The following SMOC1 variants were observed in gnomAD, a reference collection of about 807,000 sequenced individuals.
SMOC1 encodes the protein SPARC related modular calcium binding 1.
SMOC1 carries 22 observed loss-of-function variants against 56.3 expected under a neutral mutation model. That is an observed-to-expected ratio of 0.39 (90% CI 0.28 to 0.56). SMOC1 has a LOEUF of 0.56. SMOC1 is among the 20% of genes least tolerant of loss of function. The probability of loss-of-function intolerance (pLI) is 0.61; values close to 1 mark genes in which losing one functional copy is unlikely to be tolerated. For missense variants in SMOC1, 509 were observed against 565.4 expected (o/e 0.90, Z 1.01); for synonymous variants, 193 against 215.0 (o/e 0.90, Z 0.89).
intron 10 of SMOC1, among the ~76,000 whole-genome samples, chr14:70,014,037 A>G (rs1274772710): frequency 6.6e-6 from 1 of 152,188 alleles, no homozygotes; most frequent in Non-Finnish European, 1.5e-5. Flanking sequence ...TGAAATGCAC[A>G]TGCTCCCCAG....
chr14:69,967,363 GA>G lies in SMOC1; in HGVS notation c.379-8351del, dbSNP rs1362646255. Among the ~76,000 whole-genome samples, 3 of 152,260 alleles carry G rather than the reference GA, an allele frequency of 2.0e-5. 1 individual carries two copies. The highest frequency in any genetic ancestry group is 7.2e-5 in the African/African-American group (3 of 41,468). On this transcript the variant is annotated intron_variant, in intron 3 of 11. Transcript: ENST00000361956. ...AGCAGTGCTTTCAGGCTATGGCCTA[GA>G]TTAAGCTTGCCCATCCCATGGCCCG...
At chr14:69,971,352 C>T (rs1883756869) in intron 3 of SMOC1, among the ~76,000 whole-genome samples, 2 of 152,188 alleles carry the variant, frequency 1.3e-5, no homozygotes, top group Non-Finnish European at 2.9e-5. Flanking sequence ...AGTACAGTTG[C>T]AATATAAGCA....
intron 1 of SMOC1, among the ~76,000 whole-genome samples, chr14:69,923,355 C>T (rs1238360558): frequency 6.6e-6 from 1 of 152,176 alleles, no homozygotes; most frequent in African/African-American, 2.4e-5. Flanking sequence ...ATTATTTCTA[C>T]GTAAATGTGA....
chr14:69,922,734 C>CTTATGGGGA, intron 1 of SMOC1, among the ~76,000 whole-genome samples: 1 of 151,898 alleles, frequency 6.6e-6, no homozygotes, highest in South Asian at 2.1e-4. Context: ...GGGACAGAGC[C>CTTATGGGGA]CTAGTGTTGG....
Position 70,030,338 on chromosome 14 carries a change from A to G in SMOC1, c.*80A>G, listed in dbSNP as rs7152085. On this transcript the variant is annotated 3_prime_UTR_variant, in exon 12 of 12. Transcript: ENST00000361956. ...AGACACCTAACCTTCAGCGTTGCCC[A>G]TGGCCCTGCCACATCCCGTGTAACA... The G allele has an allele frequency of 0.013, 20,480 of 1,567,482 alleles. 642 individuals are homozygous for G. Among genetic ancestry groups the G allele is most frequent in the South Asian group, 0.082 (7,148 of 87,138 alleles).
chr14:69,887,031 C>G (rs78671084), intron 1 of SMOC1, among the ~76,000 whole-genome samples: 5 of 152,192 alleles, frequency 3.3e-5, no homozygotes, highest in Admixed American at 6.5e-5. Flanking sequence ...AACTCATGTC[C>G]TGTGCAACTA....
chr14:70,023,569 G>A, intron 11 of SMOC1, 122 bp downstream of exon 11: 1 of 1,398,994 alleles, frequency 7.1e-7, no homozygotes, highest in South Asian at 1.2e-5. Flanking sequence ...TTTGCTGGAA[G>A]TGTGCTATGC....
At chr14:69,902,867 G>T (rs536967935) in intron 1 of SMOC1, among the ~76,000 whole-genome samples, 1 of 152,356 alleles carries the variant, frequency 6.6e-6, no homozygotes, top group African/African-American at 2.4e-5. Flanking sequence ...TGATCTGCCA[G>T]CCTCGGCCTC....
intron 1 of SMOC1, among the ~76,000 whole-genome samples, chr14:69,898,465 T>G (rs1386365481): frequency 2.1e-5 from 3 of 143,440 alleles, no homozygotes; most frequent in African/African-American, 7.7e-5. Context: ...TTCAATTCTG[T>G]TTTTTTTTTC....
At chr14:69,955,333 G>A (rs1057013036) in intron 3 of SMOC1, among the ~76,000 whole-genome samples, 4 of 152,070 alleles carry the variant, frequency 2.6e-5, no homozygotes, top group African/African-American at 9.7e-5. Flanking sequence ...ACCTGGGCAC[G>A]AAGCTCAGCC....
chr14:69,955,288 G>C (rs745379035), intron 3 of SMOC1, among the ~76,000 whole-genome samples: 1 of 152,090 alleles, frequency 6.6e-6, no homozygotes, highest in South Asian at 2.1e-4. Context: ...AGGCAGTCTG[G>C]TGGTCTGGTT....
chr14:69,967,389 G>T lies in SMOC1; in HGVS notation c.379-8326G>T, dbSNP rs187721696. ...ATTAAGCTTGCCCATCCCATGGCCC[G>T]CAGGCCACATGCTGCCCAGGATCGC... On this transcript the variant is annotated intron_variant, in intron 3 of 11. Coordinates refer to ENST00000361956, the MANE Select transcript of SMOC1 (RefSeq NM_001034852.3). 2.6e-5 allele frequency among the ~76,000 whole-genome samples: 4 copies of T among 152,340 alleles called. No individual in the cohort carries two copies. The East Asian group carries it at 7.7e-4, about 29-fold the overall frequency.
intron 10 of SMOC1, among the ~76,000 whole-genome samples, chr14:70,015,355 A>G (rs1052426577): frequency 6.6e-6 from 1 of 152,050 alleles, no homozygotes; most frequent in African/African-American, 2.4e-5. Context: ...TCTGCTGTCC[A>G]ACATTGTCCT....
intron 1 of SMOC1, among the ~76,000 whole-genome samples, chr14:69,942,809 G>A (rs188439547): frequency 2.3e-4 from 35 of 152,334 alleles, no homozygotes; most frequent in Admixed American, 1.0e-3. Context: ...TGGGGCTGCA[G>A]ACAGACTCTG....
intron 5 of SMOC1, among the ~76,000 whole-genome samples, chr14:69,990,611 C>G (rs1417809737): frequency 6.6e-6 from 1 of 152,144 alleles, no homozygotes; most frequent in African/African-American, 2.4e-5. Context: ...TTAATAGAGT[C>G]AGGGGAAGTG....
rs1211820190 is a variant in SMOC1 at position 70,030,268 on chromosome 14, A to G, written c.*10A>G. On this transcript the variant is annotated 3_prime_UTR_variant, in exon 12 of 12. Coordinates refer to ENST00000361956, the MANE Select transcript of SMOC1 (RefSeq NM_001034852.3). ...AGGACGCCTCGTCTAAGGAGCAGAAAACCCAAGGGCAGGTGGAGAGTCCAG... is the reference window on the plus strand; with the variant it reads ...AGGACGCCTCGTCTAAGGAGCAGAAGACCCAAGGGCAGGTGGAGAGTCCAG... 6 of 1,613,676 alleles carry G rather than the reference A, an allele frequency of 3.7e-6. No individual in the cohort carries two copies. Among genetic ancestry groups the G allele is most frequent in the East Asian group, 2.2e-5 (1 of 44,862 alleles).
At chr14:69,925,965 C>A (rs1020457703) in intron 1 of SMOC1, among the ~76,000 whole-genome samples, 1 of 152,156 alleles carries the variant, frequency 6.6e-6, no homozygotes, top group Non-Finnish European at 1.5e-5. Context: ...TCCTGCCCCC[C>A]ACTCTCCCGC....
At chr14:70,003,621 C>A (rs1195864690) in intron 7 of SMOC1, among the ~76,000 whole-genome samples, 3 of 152,132 alleles carry the variant, frequency 2.0e-5, no homozygotes, top group Non-Finnish European at 4.4e-5. Context: ...CTCCTATGGC[C>A]ACCAGAGACG....
intron 1 of SMOC1, among the ~76,000 whole-genome samples, chr14:69,902,263 T>C (rs1450745711): frequency 6.6e-6 from 1 of 152,206 alleles, no homozygotes; most frequent in East Asian, 1.9e-4. Context: ...AAAAGAAAGC[T>C]GAGAGAGGAA....
Sources: gnomAD v4.1 joint callset for allele counts (sites outside exome capture counted in the v4.1 genomes callset) on GRCh38, gnomAD v4.1.1 for gene constraint, MANE v1.5 for transcripts, NCBI Gene and HGNC (gene_info 2026-07-23, HGNC 2026-07-21) for gene names.